The following CMKLR1 variants were observed in gnomAD, a reference collection of about 807,000 sequenced individuals.
CMKLR1 encodes the protein chemerin chemokine-like receptor 1.
In CMKLR1, 6 loss-of-function variants were observed where a neutral mutation model predicts 8.2. That is an observed-to-expected ratio of 0.73 (90% CI 0.40 to 1.44). CMKLR1 has a LOEUF of 1.44. Ranked by LOEUF, CMKLR1 falls within the 40% of genes most tolerant of loss-of-function variation. CMKLR1 has a pLI of 0.02. For synonymous variants in CMKLR1, 178 were observed against 181.2 expected, an observed-to-expected ratio of 0.98 and a Z score of 0.14; for missense variants, 429 against 478.0, an observed-to-expected ratio of 0.90 and a Z score of 0.96.
chr12:108,292,301 G>T lies in CMKLR1; in HGVS notation c.662C>A (p.Thr221Asn). Residue 221 changes from threonine (T) to asparagine (N), a missense_variant, in exon 4 of 4, where the codon ACT (threonine) becomes AAT (asparagine). Transcript: ENST00000550402. ...GAAGCCACAGAGGAAGCGGGTGACA[G>T]TCACCACCATGTGCCGGCTATACCC... is the stretch of plus-strand genomic sequence containing the variant. ...PVGYSRHMVV[T>N]VTRFLCGFLV... The T allele has an allele frequency of 6.2e-7, 1 of 1,614,218 alleles. No homozygotes were observed. The highest frequency in any genetic ancestry group is 8.5e-7 in the Non-Finnish European group (1 of 1,180,046).
intron 2 of CMKLR1, among the ~76,000 whole-genome samples, chr12:108,316,109 T>C (rs895968608): frequency 6.6e-6 from 1 of 152,124 alleles, no homozygotes; most frequent in African/African-American, 2.4e-5. Flanking sequence ...AAAATGAAAA[T>C]GCAGCCCCTT....
intron 2 of CMKLR1, among the ~76,000 whole-genome samples, chr12:108,307,176 T>G (rs553588370): frequency 6.6e-6 from 1 of 152,294 alleles, no homozygotes; most frequent in East Asian, 1.9e-4. Flanking sequence ...ATGAACACAT[T>G]GTAGCCAAAG....
At position 108,291,960 on chromosome 12, in the gene CMKLR1, C is replaced by T. The variant is rs1343488230; in HGVS notation, c.1003G>A (p.Val335Ile). Reference sequence around the variant, plus strand: ...CCTGTATCTTCACTTAGAGCATTGACCAGGCGAGAGAAGAGGGCCACCTTG... The same window carrying T: ...CCTGTATCTTCACTTAGAGCATTGATCAGGCGAGAGAAGAGGGCCACCTTG... ...KFKVALFSRLVNALSEDTGHS... is the reference protein window; with the variant it reads ...KFKVALFSRLINALSEDTGHS... Residue 335 changes from valine (V) to isoleucine (I), a missense_variant, in exon 4 of 4, where the codon GTC becomes ATC. Transcript: ENST00000550402. 2 of 1,614,004 alleles carry T rather than the reference C, an allele frequency of 1.2e-6. No homozygotes were observed. Among genetic ancestry groups the T allele is most frequent in the African/African-American group, 1.3e-5 (1 of 74,892 alleles).
intron 2 of CMKLR1, among the ~76,000 whole-genome samples, chr12:108,321,097 C>T (rs558502648): frequency 1.7e-3 from 262 of 152,308 alleles, no homozygotes; most frequent in African/African-American, 5.9e-3. Context: ...AATGCTCACT[C>T]CAGGGGTCCC....
rs1891093786 is a variant in CMKLR1, at chr12:108,294,980, C to G, written c.-73-1316G>C. On this transcript the variant is annotated intron_variant, in intron 2 of 3. Coordinates refer to ENST00000550402, the MANE Select transcript of CMKLR1 (RefSeq NM_001142343.2). ...CATTGAGGGCTTTGCACTCAGAGGGCTCACAATCAAAGCTTGGGTGTTATC... is the reference window on the plus strand; with the variant it reads ...CATTGAGGGCTTTGCACTCAGAGGGGTCACAATCAAAGCTTGGGTGTTATC... Among the ~76,000 whole-genome samples the G allele has an allele frequency of 2.0e-5, 3 of 152,222 alleles. No individual in the cohort carries two copies. In the South Asian group the frequency reaches 6.2e-4, roughly 32 times the overall value.
intron 2 of CMKLR1, among the ~76,000 whole-genome samples, chr12:108,310,866 G>C (rs1891542655): frequency 6.6e-6 from 1 of 152,186 alleles, no homozygotes; most frequent in Non-Finnish European, 1.5e-5. Context: ...GAGGGAGGCA[G>C]TGCTGAGGGG....
chr12:108,330,728 A>G (rs1892085075), intron 1 of CMKLR1, among the ~76,000 whole-genome samples: 1 of 152,242 alleles, frequency 6.6e-6, no homozygotes, highest in African/African-American at 2.4e-5. Flanking sequence ...TGGGGCATAT[A>G]AACAGTGACT....
intron 2 of CMKLR1, among the ~76,000 whole-genome samples, chr12:108,314,238 T>C (rs872561): frequency 0.58 from 88,413 of 151,940 alleles, 26,013 homozygotes; most frequent in East Asian, 0.71. Flanking sequence ...AAGGGTGAAA[T>C]GCAGGGGACA....
intron 2 of CMKLR1, among the ~76,000 whole-genome samples, chr12:108,300,222 C>T (rs117867100): frequency 0.01 from 1,538 of 152,286 alleles, 46 homozygotes; most frequent in Admixed American, 0.061. Context: ...TGCCTGGCAG[C>T]CCTGGGCTCC....
At position 108,311,146 on chromosome 12, in the gene CMKLR1, G is replaced by T. The variant is rs74518243; in HGVS notation, c.-73-17482C>A. On this transcript the variant is annotated intron_variant, in intron 2 of 3. Transcript: ENST00000550402. ...TCCCCAGTGAACTGAAGTCAATGTC[G>T]TGATGACGATGGAGAAGCAGAGGCC... 3.3e-5 allele frequency among the ~76,000 whole-genome samples: 5 copies of T among 152,304 alleles called. No individual in the cohort carries two copies. In the East Asian group the frequency reaches 5.8e-4, roughly 18 times the overall value.
chr12:108,293,672 G>GAAAA lies in CMKLR1; in HGVS notation c.-73-12_-73-9dup, dbSNP rs59925321. The GAAAA allele has an allele frequency of 6.0e-5, 54 of 902,308 alleles. No homozygotes were observed. The highest frequency in any genetic ancestry group is 2.6e-4 in the South Asian group (14 of 54,390). The allele number at this position is 902,308 out of a possible 1,614,324, so 55.9% of individuals were successfully genotyped here. A position where few individuals can be genotyped will look rare whatever the true frequency, so the allele number is the denominator to read the frequency against. The stretch of plus-strand genomic sequence containing the variant: ...GTACACAGCTAGAAACACCTGTAGG[G>GAAAA]AAAAAAAAAAAAAAAAAAGCAGCAA... On this transcript the variant is annotated splice_polypyrimidine_tract_variant and intron_variant, in intron 2 of 3. Coordinates refer to ENST00000550402, the MANE Select transcript of CMKLR1 (RefSeq NM_001142343.2).
rs544078330 is a variant in CMKLR1, at chr12:108,293,664, C to T, written c.-73G>A. The T allele has an allele frequency of 8.3e-6, 11 of 1,319,064 alleles. No individual in the cohort carries two copies. The African/African-American group carries it at 1.5e-4, about 18-fold the overall frequency. 81.7% of individuals were successfully genotyped at this position (1,319,064 alleles called of 1,614,324 possible). ...CAGTCCCTGTACACAGCTAGAAACACCTGTAGGGAAAAAAAAAAAAAAAAA... is the reference window on the plus strand; with the variant it reads ...CAGTCCCTGTACACAGCTAGAAACATCTGTAGGGAAAAAAAAAAAAAAAAA... On this transcript the variant is annotated splice_region_variant and 5_prime_UTR_variant, in exon 3 of 4. It adds an upstream start codon to the 5' untranslated region. Coordinates refer to ENST00000550402, the MANE Select transcript of CMKLR1 (RefSeq NM_001142343.2).
chr12:108,318,696 C>T (rs982405280), intron 2 of CMKLR1, among the ~76,000 whole-genome samples: 16 of 152,162 alleles, frequency 1.1e-4, no homozygotes, highest in African/African-American at 3.6e-4. Context: ...GAAAACAGAG[C>T]AGCCACCTGC....
chr12:108,312,269 A>G (rs1891603318), intron 2 of CMKLR1, among the ~76,000 whole-genome samples: 1 of 152,224 alleles, frequency 6.6e-6, no homozygotes, highest in Non-Finnish European at 1.5e-5. Flanking sequence ...GAGAACTCAA[A>G]GCATCTATGC....
chr12:108,292,743 T>C lies in CMKLR1; in HGVS notation c.220A>G (p.Asn74Asp). ...GCCAGGTTGAGGAACCAGACCATGT[T>C]CACTGTCTTCTTCATCTTGAAGGTG... ...IATFKMKKTV[N>D]MVWFLNLAVA... Residue 74 changes from asparagine to aspartate, a missense_variant, in exon 4 of 4, where the codon AAC becomes GAC. Coordinates refer to ENST00000550402, the MANE Select transcript of CMKLR1 (RefSeq NM_001142343.2). 1 of 1,614,164 alleles carries C rather than the reference T, an allele frequency of 6.2e-7. No individual in the cohort carries two copies. Among genetic ancestry groups the C allele is most frequent in the Non-Finnish European group, 8.5e-7 (1 of 1,180,024 alleles).
intron 2 of CMKLR1, among the ~76,000 whole-genome samples, chr12:108,298,901 GTCCCAGGAGGGCTCCAGAAGGGAA>G (rs1891199218): frequency 6.6e-6 from 1 of 152,220 alleles, no homozygotes; most frequent in African/African-American, 2.4e-5. Context: ...CCCTGGGACG[GTCCCAGGAGGGCTCCAGAAGGGAA>G]TGCCAGGGAG....
chr12:108,335,423 G>C (rs1408455083), intron 1 of CMKLR1, among the ~76,000 whole-genome samples: 2 of 152,208 alleles, frequency 1.3e-5, no homozygotes, highest in Non-Finnish European at 2.9e-5. Context: ...TCTGAGGAGA[G>C]AGTGGGACCA....
At chr12:108,301,071 CTTTT>C (rs11303250) in intron 2 of CMKLR1, among the ~76,000 whole-genome samples, 5,283 of 90,568 alleles carry the variant, frequency 0.058, 174 homozygotes, top group African/African-American at 0.17. Context: ...CCACCCAAGT[CTTTT>C]TTTTTTTTTT....
At chr12:108,313,104 A>C (rs1480594350) in intron 2 of CMKLR1, among the ~76,000 whole-genome samples, 1 of 152,078 alleles carries the variant, frequency 6.6e-6, no homozygotes, top group African/African-American at 2.4e-5. Context: ...CACTGCCAGC[A>C]ATCAGGACGG....
Sources: allele counts gnomAD v4.1 joint callset (sites outside exome capture counted in the v4.1 genomes callset), GRCh38; gene constraint gnomAD v4.1.1; transcripts MANE v1.5; gene names NCBI Gene and HGNC (gene_info 2026-07-23, HGNC 2026-07-21).